The following KIAA0825 variants were observed in gnomAD, a reference collection of about 807,000 sequenced individuals.
KIAA0825 encodes uncharacterized protein KIAA0825.
A neutral mutation model predicts 147.6 loss-of-function variants in KIAA0825; 119 were observed. The ratio of observed to expected loss-of-function variants is 0.81; its 90% confidence interval spans 0.69 to 0.94. The LOEUF is 0.94. Among genes scored for constraint, KIAA0825 ranks in the 40% least tolerant of loss-of-function variants. The pLI is 0.00. For missense variants in KIAA0825, 1,381 were observed against 1,472.7 expected, an observed-to-expected ratio of 0.94 and a Z score of 1.02; for synonymous variants, 470 against 518.1, an observed-to-expected ratio of 0.91 and a Z score of 1.26.
chr5:94,577,087 A>AT (rs1313596524), intron 2 of KIAA0825, among the ~76,000 whole-genome samples: 2 of 151,938 alleles, frequency 1.3e-5, no homozygotes, highest in Admixed American at 6.6e-5. Flanking sequence ...TCATTTTTTC[A>AT]TTTTTTTCCT....
chr5:94,475,312 G>T (rs760404555), intron 7 of KIAA0825, among the ~76,000 whole-genome samples: 15 of 152,068 alleles, frequency 9.9e-5, no homozygotes, highest in Admixed American at 3.3e-4. Flanking sequence ...ATTTACTAAA[G>T]TCATTCATTT....
At chr5:94,325,464 A>G (rs1367972486) in intron 20 of KIAA0825, among the ~76,000 whole-genome samples, 1 of 151,960 alleles carries the variant, frequency 6.6e-6, no homozygotes, top group Admixed American at 6.6e-5. Flanking sequence ...CATCATTTAA[A>G]TTTTCCCATG....
At chr5:94,588,022 AC>A (rs1450143091) in intron 1 of KIAA0825, among the ~76,000 whole-genome samples, 2 of 152,270 alleles carry the variant, frequency 1.3e-5, no homozygotes, top group Non-Finnish European at 2.9e-5. Flanking sequence ...TCCCTTCCTT[AC>A]ATCTGACCAA....
intron 13 of KIAA0825, among the ~76,000 whole-genome samples, chr5:94,451,604 T>C (rs536929660): frequency 2.0e-5 from 3 of 152,324 alleles, no homozygotes; most frequent in South Asian, 2.1e-4. Context: ...TTTTGCTTGC[T>C]GTAGATATAG....
chr5:94,436,560 C>A (rs1756400224), intron 14 of KIAA0825, among the ~76,000 whole-genome samples: 1 of 152,138 alleles, frequency 6.6e-6, no homozygotes, highest in South Asian at 2.1e-4. Context: ...AGCATGATGC[C>A]TCCAGCTTTG....
chr5:94,513,181 G>A (rs145334122), intron 5 of KIAA0825, among the ~76,000 whole-genome samples: 140 of 152,048 alleles, frequency 9.2e-4, no homozygotes, highest in Admixed American at 3.5e-3. Flanking sequence ...ATCTTAAAAT[G>A]TTACTTATAT....
rs561714203 is a variant in KIAA0825, at chr5:94,586,563, CA to C, written c.-152-3981del. On this transcript the variant is annotated intron_variant, in intron 1 of 20. Coordinates refer to ENST00000682413, the MANE Select transcript of KIAA0825 (RefSeq NM_001145678.3). ...AGGCAATAATTAATAGGCTACCAACCAAAAAAACTCCAGGACCAGACAGATT... is the reference window on the plus strand; with the variant it reads ...AGGCAATAATTAATAGGCTACCAACCAAAAAACTCCAGGACCAGACAGATT... Among the ~76,000 whole-genome samples, 573 of 152,060 alleles carry C rather than the reference CA, an allele frequency of 3.8e-3. 3 individuals carry two copies. Among genetic ancestry groups the C allele is most frequent in the South Asian group, 0.028 (135 of 4,814 alleles).
chr5:94,275,706 ATGT>A (rs1777194075), intron 20 of KIAA0825, among the ~76,000 whole-genome samples: 1 of 152,274 alleles, frequency 6.6e-6, no homozygotes, highest in Non-Finnish European at 1.5e-5. Context: ...TGTCTATGAC[ATGT>A]TGTCTCTCTA....
chr5:94,611,457 A>G lies in KIAA0825; in HGVS notation c.-153+7043T>C, dbSNP rs1359397481. Among the ~76,000 whole-genome samples the G allele has an allele frequency of 2.0e-5, 3 of 152,062 alleles. No homozygotes were observed. The South Asian group carries it at 6.2e-4, about 32-fold the overall frequency. ...CCAAATTGATGGCTTATAACCTGCC[A>G]TTTGAAAAGCACTAAACTTATGGAT... On this transcript the variant is annotated intron_variant, in intron 1 of 20. Transcript: ENST00000682413.
intron 1 of KIAA0825, among the ~76,000 whole-genome samples, chr5:94,601,429 A>C (rs1786427270): frequency 6.6e-6 from 1 of 152,230 alleles, no homozygotes; most frequent in Admixed American, 6.5e-5. Context: ...AAAGGTAGAT[A>C]AAGCCCACAA....
At chr5:94,557,351 ACT>A (rs1776726754) in intron 2 of KIAA0825, among the ~76,000 whole-genome samples, 1 of 150,244 alleles carries the variant, frequency 6.7e-6, no homozygotes, top group African/African-American at 2.5e-5. Flanking sequence ...AATCCACATG[ACT>A]CAGCCTTCAA....
At chr5:94,490,158 T>A (rs750944082) in intron 5 of KIAA0825, among the ~76,000 whole-genome samples, 1 of 152,220 alleles carries the variant, frequency 6.6e-6, no homozygotes, top group Middle Eastern at 3.4e-3. Context: ...TAAAATGATT[T>A]CCATGAGGCC....
At chr5:94,576,137 T>C (rs1028015911) in intron 2 of KIAA0825, among the ~76,000 whole-genome samples, 1 of 152,178 alleles carries the variant, frequency 6.6e-6, no homozygotes, top group Non-Finnish European at 1.5e-5. Context: ...CTATAGTTCA[T>C]GAGACTAAGA....
chr5:94,564,457 A>AGTGT lies in KIAA0825; in HGVS notation c.-2+17972_-2+17975dup, dbSNP rs372092487. 2.9e-3 allele frequency among the ~76,000 whole-genome samples: 44 copies of AGTGT among 14,972 alleles called. 5 individuals are homozygous for AGTGT. The highest frequency in any genetic ancestry group is 0.071 in the Middle Eastern group (2 of 28). The allele number at this position is 14,972 out of a possible 152,430, so 9.8% of individuals were successfully genotyped here. On this transcript the variant is annotated intron_variant, in intron 2 of 20. Coordinates refer to ENST00000682413, the MANE Select transcript of KIAA0825 (RefSeq NM_001145678.3). ...CATGAGCCACCATGCCTTATTTTTG[A>AGTGT]GTGTGTGTGTGTGTGTGTGTGTGTG...
chr5:94,323,741 T>C (rs934818730), intron 20 of KIAA0825, among the ~76,000 whole-genome samples: 1 of 151,826 alleles, frequency 6.6e-6, no homozygotes, highest in Non-Finnish European at 1.5e-5. Flanking sequence ...CTACACCTGA[T>C]ATTTAGAAAG....
intron 20 of KIAA0825, among the ~76,000 whole-genome samples, chr5:94,204,534 G>T (rs1375826963): frequency 6.6e-6 from 1 of 152,130 alleles, no homozygotes; most frequent in African/African-American, 2.4e-5. Flanking sequence ...AAGTTAAATT[G>T]TAAACTATTT....
At chr5:94,215,684 T>A (rs1333885790) in intron 20 of KIAA0825, among the ~76,000 whole-genome samples, 1 of 152,160 alleles carries the variant, frequency 6.6e-6, no homozygotes, top group Non-Finnish European at 1.5e-5. Context: ...TTGGCCTCGC[T>A]GGGACTTAAA....
At chr5:94,461,436 T>G (rs1759818627) in intron 12 of KIAA0825, among the ~76,000 whole-genome samples, 1 of 151,928 alleles carries the variant, frequency 6.6e-6, no homozygotes, top group South Asian at 2.1e-4. Flanking sequence ...TATGAACGAT[T>G]ATGTACATAG....
intron 20 of KIAA0825, among the ~76,000 whole-genome samples, chr5:94,276,663 T>A (rs896203911): frequency 2.6e-5 from 4 of 152,152 alleles, no homozygotes; most frequent in Non-Finnish European, 5.9e-5. Context: ...AATGTCAACA[T>A]GATCATTATT....
Sources: allele counts gnomAD v4.1 joint callset (sites outside exome capture counted in the v4.1 genomes callset), GRCh38; gene constraint gnomAD v4.1.1; transcripts MANE v1.5; gene names NCBI Gene and HGNC (gene_info 2026-07-23, HGNC 2026-07-21).